Variants in RPTOR observed in about 807,000 individuals in gnomAD.
RPTOR encodes the protein regulatory-associated protein of mTOR.
RPTOR carries 21 observed loss-of-function variants against 169.9 expected under a neutral mutation model. The observed-to-expected ratio is 0.12, with a 90% CI of 0.09 to 0.18. The LOEUF is 0.18. RPTOR is among the 10% of genes least tolerant of loss of function. The pLI is 1.00. For synonymous variants in RPTOR, 732 were observed against 753.2 expected (o/e 0.97, Z 0.46); for missense variants, 1,133 against 1,855.9 (o/e 0.61, Z 7.16).
intron 24 of RPTOR, among the ~76,000 whole-genome samples, chr17:80,938,321 G>A (rs7209116): frequency 0.61 from 92,087 of 152,018 alleles, 28,622 homozygotes; most frequent in African/African-American, 0.75. Flanking sequence ...ATAGAGTGCC[G>A]GGCCAAGGAG....
At chr17:80,681,080 G>A (rs2065894566) in intron 3 of RPTOR, among the ~76,000 whole-genome samples, 1 of 152,112 alleles carries the variant, frequency 6.6e-6, no homozygotes, top group Non-Finnish European at 1.5e-5. Flanking sequence ...GAGGTGAGGG[G>A]CCTGGCGCAC....
At position 80,769,383 on chromosome 17, in the gene RPTOR, A is replaced by G. The variant is rs540617907; in HGVS notation, c.830+15198A>G. Among the ~76,000 whole-genome samples the G allele has an allele frequency of 1.1e-4, 16 of 152,256 alleles. No homozygotes were observed. The East Asian group carries it at 2.9e-3, about 28-fold the overall frequency. On this transcript the variant is annotated intron_variant, in intron 6 of 33. Coordinates refer to ENST00000306801, the MANE Select transcript of RPTOR (RefSeq NM_020761.3). ...AGTGCACTCTGAGACTGGGCATTAAACCTTGCTTTAAGTACTGTCACCACA... is the reference window on the plus strand; with the variant it reads ...AGTGCACTCTGAGACTGGGCATTAAGCCTTGCTTTAAGTACTGTCACCACA...
chr17:80,623,687 C>T (rs1407000026), intron 1 of RPTOR, among the ~76,000 whole-genome samples: 3 of 152,070 alleles, frequency 2.0e-5, no homozygotes, highest in African/African-American at 7.2e-5. Flanking sequence ...AGGTGCACAC[C>T]ACCACGCCTG....
intron 1 of RPTOR, among the ~76,000 whole-genome samples, chr17:80,548,927 T>A (rs1338547161): frequency 6.6e-6 from 1 of 152,240 alleles, no homozygotes; most frequent in Non-Finnish European, 1.5e-5. Context: ...TACGCTTTTA[T>A]TTTGTACATA....
At chr17:80,877,602 G>T (rs780861792) in intron 13 of RPTOR, among the ~76,000 whole-genome samples, 2 of 152,196 alleles carry the variant, frequency 1.3e-5, no homozygotes, top group Admixed American at 1.3e-4. Flanking sequence ...TGTGGGCTTC[G>T]ATTTGACTTG....
At chr17:80,622,335 A>G (rs773836987) in intron 1 of RPTOR, among the ~76,000 whole-genome samples, 33 of 152,214 alleles carry the variant, frequency 2.2e-4, no homozygotes, top group Admixed American at 4.6e-4. Flanking sequence ...TTTCCAGGAA[A>G]TGTCTAGTTT....
intron 11 of RPTOR, among the ~76,000 whole-genome samples, chr17:80,848,224 T>G (rs576895683): frequency 1.2e-3 from 190 of 152,282 alleles, no homozygotes; most frequent in African/African-American, 4.4e-3. Context: ...CGGGGAAGGA[T>G]CACTTGAGCC....
chr17:80,744,847 T>TCCTGGCTACTAGTACAGC (rs2066551369), intron 5 of RPTOR, among the ~76,000 whole-genome samples: 2 of 22,772 alleles, frequency 8.8e-5, no homozygotes, highest in Non-Finnish European at 1.8e-4. Context: ...ACTAGCACTG[T>TCCTGGCTACTAGTACAGC]CCTGGCTACT....
rs374082426 is a variant in RPTOR, at chr17:80,964,261, G to A, written c.3940-1G>A. The A allele has an allele frequency of 1.2e-6, 2 of 1,605,056 alleles. No individual in the cohort carries two copies. Among genetic ancestry groups the A allele is most frequent in the Non-Finnish European group, 1.7e-6 (2 of 1,179,350 alleles). On this transcript the variant is annotated splice_acceptor_variant, in intron 33 of 33. Coordinates refer to ENST00000306801, the MANE Select transcript of RPTOR (RefSeq NM_020761.3). LOFTEE classifies it high-confidence loss of function. ...TGCTCACCCCTTCTCTCTCCTTGCA[G>A]CCTCACCTGGCCGTGGGAAGCAACG...
chr17:80,827,325 T>G (rs2067455542), intron 9 of RPTOR, among the ~76,000 whole-genome samples: 1 of 152,218 alleles, frequency 6.6e-6, no homozygotes, highest in African/African-American at 2.4e-5. Context: ...ACTTGGCAGC[T>G]CAGAACAGCA....
In RPTOR at chr17:80,754,877, T is replaced by A. The variant is rs2066664560; in HGVS notation, c.830+692T>A. On this transcript the variant is annotated intron_variant, in intron 6 of 33. Coordinates refer to ENST00000306801, the MANE Select transcript of RPTOR (RefSeq NM_020761.3). The surrounding 1 kb of genome is among the most constrained non-coding windows in gnomAD (Gnocchi z 4.2). ...TTACCGGCTAGTAGATAAATACCTC[T>A]CCCTTGAGGTGCCGTGCGAATGGTG... Among the ~76,000 whole-genome samples, 1 of 152,188 alleles carries A rather than the reference T, an allele frequency of 6.6e-6. No homozygotes were observed. The highest frequency in any genetic ancestry group is 6.5e-5 in the Admixed American group (1 of 15,288).
chr17:80,655,266 A>G (rs553661305), intron 3 of RPTOR, among the ~76,000 whole-genome samples: 3 of 152,034 alleles, frequency 2.0e-5, no homozygotes, highest in Non-Finnish European at 4.4e-5. Context: ...TTGTATTTTT[A>G]GTGGAGACAG....
intron 7 of RPTOR, among the ~76,000 whole-genome samples, chr17:80,816,271 C>T (rs1413519041): frequency 6.6e-6 from 1 of 152,230 alleles, no homozygotes; most frequent in Non-Finnish European, 1.5e-5. Context: ...GCAGGCCTGG[C>T]TGCAGGGTGC....
intron 13 of RPTOR, among the ~76,000 whole-genome samples, chr17:80,864,371 A>C (rs58494676): frequency 0.013 from 1,603 of 123,386 alleles, 52 homozygotes; most frequent in Admixed American, 0.027. Context: ...AAAAGGTGAG[A>C]ATGATGGCAA....
chr17:80,653,449 C>T (rs1025759103), intron 3 of RPTOR, among the ~76,000 whole-genome samples: 5 of 152,152 alleles, frequency 3.3e-5, no homozygotes, highest in Admixed American at 2.0e-4. Context: ...AATTTAATAC[C>T]AATCCCTTAA....
At chr17:80,744,241 T>C (rs113899599) in intron 5 of RPTOR, among the ~76,000 whole-genome samples, 3,940 of 8,004 alleles carry the variant, frequency 0.49, 326 homozygotes, top group East Asian at 0.54. Context: ...ACAGCCCTGG[T>C]TACTAGCACT....
intron 3 of RPTOR, 63 bp downstream of exon 3, chr17:80,643,873 C>A: frequency 7.7e-7 from 1 of 1,293,970 alleles, no homozygotes; most frequent in Non-Finnish European, 1.1e-6. Context: ...TCCTTGGTTT[C>A]CAACACTCTT....
At position 80,893,855 on chromosome 17, in the gene RPTOR, C is replaced by A. The variant is rs368443225; in HGVS notation, c.2391C>A (p.Asn797Lys). Residue 797 changes from asparagine (N) to lysine (K), a missense_variant, in exon 20 of 34, where the codon AAC (asparagine) becomes AAA (lysine). By Grantham distance (94) the Asn-to-Lys change is moderately conservative. Transcript: ENST00000306801. ...GCGCCAGCTCCTACTCCTCCCTCAACTCCCTCATCGGTGAGTCCGCCTGCC... is the reference window on the plus strand; with the variant it reads ...GCGCCAGCTCCTACTCCTCCCTCAAATCCCTCATCGGTGAGTCCGCCTGCC... ...MRRASSYSSL[N>K]SLIGVSFNSV... 1 of 1,520,096 alleles carries A rather than the reference C, an allele frequency of 6.6e-7. No homozygotes were observed. The highest frequency in any genetic ancestry group is 1.3e-5 in the South Asian group (1 of 77,148). The allele number at this position is 1,520,096 out of a possible 1,614,324, so 94.2% of individuals were successfully genotyped here.
intron 2 of RPTOR, among the ~76,000 whole-genome samples, chr17:80,632,749 C>G (rs955318388): frequency 6.6e-6 from 1 of 152,132 alleles, no homozygotes; most frequent in African/African-American, 2.4e-5. Context: ...TGATTTGAAT[C>G]AGCACATTTG....
Sources: allele counts gnomAD v4.1 joint callset (sites outside exome capture counted in the v4.1 genomes callset), GRCh38; gene constraint gnomAD v4.1.1; non-coding constraint Gnocchi (gnomAD v3.1); transcripts MANE v1.5; gene names NCBI Gene and HGNC (gene_info 2026-07-23, HGNC 2026-07-21).